The following ALDH1L2 variants were observed in gnomAD, a reference collection of about 807,000 sequenced individuals.
ALDH1L2 encodes mitochondrial 10-formyltetrahydrofolate dehydrogenase.
In ALDH1L2, 91 loss-of-function variants were observed where a neutral mutation model predicts 111.0. The ratio of observed to expected loss-of-function variants is 0.82; its 90% confidence interval spans 0.69 to 0.98. The LOEUF (loss-of-function observed/expected upper bound fraction) is 0.98, where lower values mean the gene tolerates loss of function less well. Among genes scored for constraint, ALDH1L2 ranks in the 50% least tolerant of loss-of-function variants. The pLI, the probability that ALDH1L2 is intolerant of heterozygous loss-of-function variation, is 0.00. For synonymous variants in ALDH1L2, 374 were observed against 392.6 expected (o/e 0.95, Z 0.56); for missense variants, 995 against 1,126.8 (o/e 0.88, Z 1.67).
In ALDH1L2 at chr12:105,073,995, T is replaced by G. The variant is rs769412228; in HGVS notation, c.59A>C (p.Lys20Thr). The change falls in exon 2 of 23, where the codon AAA becomes ACA. Residue 20 changes from lysine (K) to threonine (T), a missense_variant. By Grantham distance (78) the Lys-to-Thr change is moderately conservative. Transcript: ENST00000258494. ...AATTAGTGCCAACTTCAGCTTGTTT[T>G]TGAAATAAACCTGTGAAACAATTCA... ...RRFSTGRVYF[K>T]NKLKLALIGQ... The G allele has an allele frequency of 1.9e-6, 3 of 1,614,126 alleles. No homozygotes were observed. The highest frequency in any genetic ancestry group is 2.2e-5 in the East Asian group (1 of 44,870).
At chr12:105,038,498 C>A (rs1172535685) in intron 17 of ALDH1L2, among the ~76,000 whole-genome samples, 1 of 152,070 alleles carries the variant, frequency 6.6e-6, no homozygotes, top group East Asian at 1.9e-4. Context: ...AAGACCTCAT[C>A]TCTATAAAAA....
intron 1 of ALDH1L2, 168 bp from the exon 2 acceptor site, chr12:105,074,173 C>A: frequency 1.2e-6 from 1 of 827,750 alleles, no homozygotes. Flanking sequence ...GAAACCTACC[C>A]TTGGCCGGGC....
intron 1 of ALDH1L2, among the ~76,000 whole-genome samples, chr12:105,074,491 A>AAAAG (rs1235523715): frequency 1.3e-5 from 2 of 150,396 alleles, no homozygotes; most frequent in African/African-American, 2.5e-5. Context: ...AAAGAAAAGA[A>AAAAG]AAAGAAAGAA....
chr12:105,041,475 T>C (rs1454337848), intron 15 of ALDH1L2, among the ~76,000 whole-genome samples: 1 of 152,256 alleles, frequency 6.6e-6, no homozygotes, highest in African/African-American at 2.4e-5. Flanking sequence ...TTTTGATTAT[T>C]TGGCAAATGT....
chr12:105,052,064 A>C, intron 12 of ALDH1L2, 26 bp downstream of exon 12: 1 of 1,547,936 alleles, frequency 6.5e-7, no homozygotes, highest in South Asian at 1.2e-5. Flanking sequence ...TTTTCTAAAA[A>C]ATAAAAAAAT....
chr12:105,019,978 TG>T lies in ALDH1L2; in HGVS notation c.*4445del, dbSNP rs993991346. On this transcript the variant is annotated 3_prime_UTR_variant, in exon 23 of 23. Transcript: ENST00000258494. ...GTTTGAAAATAACCAAATAGATTTT[TG>T]GGTTGACTCAACAAATTATGGTTGA... 6 of 152,256 alleles carry T rather than the reference TG, an allele frequency of 3.9e-5. No individual in the cohort carries two copies. Among genetic ancestry groups the T allele is most frequent in the African/African-American group, 1.2e-4 (5 of 41,464 alleles). 9.4% of individuals were successfully genotyped at this position (152,256 alleles called of 1,614,324 possible).
intron 1 of ALDH1L2, among the ~76,000 whole-genome samples, chr12:105,078,040 G>GCA (rs140315128): frequency 0.1 from 15,425 of 152,150 alleles, 918 homozygotes; most frequent in Middle Eastern, 0.19. Flanking sequence ...CATCCAACAA[G>GCA]CATGTTTTCA....
rs113659766 is a variant in ALDH1L2, at chr12:105,020,140, A to G, written c.*4284T>C. ...CCTTATTTCTCATGTCTCATGCCTT[A>G]TCCATCATCCCTCATATCCTACTCT... On this transcript the variant is annotated 3_prime_UTR_variant, in exon 23 of 23. Coordinates refer to ENST00000258494, the MANE Select transcript of ALDH1L2 (RefSeq NM_001034173.4). The G allele has an allele frequency of 6.6e-6, 1 of 152,218 alleles. No individual in the cohort carries two copies. The highest frequency in any genetic ancestry group is 2.4e-5 in the African/African-American group (1 of 41,512). The allele number at this position is 152,218 out of a possible 1,614,324, so 9.4% of individuals were successfully genotyped here.
In ALDH1L2 at chr12:105,035,823, G is replaced by A. The variant is rs112229632; in HGVS notation, c.2146-1425C>T. On this transcript the variant is annotated intron_variant, in intron 18 of 22. Transcript: ENST00000258494. ...AACCTCCCTGGACTATATATAGTGT[G>A]TCTATATATATATATATGTGTGTGT... Among the ~76,000 whole-genome samples, 29 of 97,846 alleles carry A rather than the reference G, an allele frequency of 3.0e-4. 1 individual carries two copies. Among genetic ancestry groups the A allele is most frequent in the African/African-American group, 1.3e-3 (26 of 20,002 alleles). 64.2% of individuals were successfully genotyped at this position (97,846 alleles called of 152,430 possible). A position where few individuals can be genotyped will look rare whatever the true frequency, so the allele number is the denominator to read the frequency against.
Position 105,019,815 on chromosome 12 carries a change from A to C in ALDH1L2, c.*4609T>G, listed in dbSNP as rs528960144. ...TATGCAGAATTGTGTTTATTGGCATAGATGCTTATGATATATTGTTAATTG... is the reference window on the plus strand; with the variant it reads ...TATGCAGAATTGTGTTTATTGGCATCGATGCTTATGATATATTGTTAATTG... On this transcript the variant is annotated 3_prime_UTR_variant, in exon 23 of 23. Coordinates refer to ENST00000258494, the MANE Select transcript of ALDH1L2 (RefSeq NM_001034173.4). 3 of 152,356 alleles carry C rather than the reference A, an allele frequency of 2.0e-5. No homozygotes were observed. The South Asian group carries it at 6.2e-4, about 32-fold the overall frequency. 9.4% of individuals were successfully genotyped at this position (152,356 alleles called of 1,614,324 possible). A position where few individuals can be genotyped will look rare whatever the true frequency, so the allele number is the denominator to read the frequency against.
At chr12:105,075,295 G>A (rs1358249711) in intron 1 of ALDH1L2, among the ~76,000 whole-genome samples, 1 of 152,208 alleles carries the variant, frequency 6.6e-6, no homozygotes, top group Non-Finnish European at 1.5e-5. Flanking sequence ...ATTTAAAGAA[G>A]CCATGTTGGC....
rs56118650 is a variant in ALDH1L2 at position 105,052,941 on chromosome 12, G to T, written c.1288-10C>A. The T allele has an allele frequency of 0.46, 734,040 of 1,608,442 alleles. 172,455 individuals are homozygous for T. The highest frequency in any genetic ancestry group is 0.59 in the Middle Eastern group (3,550 of 6,050). On this transcript the variant is annotated splice_polypyrimidine_tract_variant and intron_variant, in intron 10 of 22. Transcript: ENST00000258494. ...TGACCTCCTTTGAAATCTGAGAGAA[G>T]TATATTAATAGATTCAATGGATTTC...
Position 105,068,587 on chromosome 12 carries a change from A to T in ALDH1L2, c.594+132T>A, listed in dbSNP as rs941538273. 2.4e-5 allele frequency: 23 copies of T among 944,764 alleles called. No homozygotes were observed. In the East Asian group the frequency reaches 3.6e-4, roughly 15 times the overall value. The allele number at this position is 944,764 out of a possible 1,614,324, so 58.5% of individuals were successfully genotyped here. A position where few individuals can be genotyped will look rare whatever the true frequency, so the allele number is the denominator to read the frequency against. On this transcript the variant is annotated intron_variant, in intron 4 of 22. Coordinates refer to ENST00000258494, the MANE Select transcript of ALDH1L2 (RefSeq NM_001034173.4). Reference sequence around the variant, plus strand: ...TCCTAAATATACCATCCCATTAGTTAAAAAAAATCTAATTTTGTTTTTAAA... The same window carrying T: ...TCCTAAATATACCATCCCATTAGTTTAAAAAAATCTAATTTTGTTTTTAAA...
intron 18 of ALDH1L2, among the ~76,000 whole-genome samples, chr12:105,036,292 ATTAT>A (rs1565951813): frequency 1.5e-5 from 1 of 67,204 alleles, no homozygotes; most frequent in Non-Finnish European, 2.6e-5. Context: ...ATGTGTATAT[ATTAT>A]ATATATACGT....
chr12:105,084,290 C>G, intron 1 of ALDH1L2, 99 bp downstream of exon 1: 1 of 1,318,280 alleles, frequency 7.6e-7, no homozygotes, highest in Non-Finnish European at 9.9e-7. Flanking sequence ...GTCTAAGCAT[C>G]GCTGCTCATC....
chr12:105,067,978 A>G (rs1228631731), intron 4 of ALDH1L2, among the ~76,000 whole-genome samples: 1 of 152,212 alleles, frequency 6.6e-6, no homozygotes, highest in Non-Finnish European at 1.5e-5. Context: ...AACCAAAGCT[A>G]CAGAGGCTAA....
chr12:105,056,304 A>G (rs761996181), intron 10 of ALDH1L2, among the ~76,000 whole-genome samples: 9 of 152,172 alleles, frequency 5.9e-5, no homozygotes, highest in Non-Finnish European at 8.8e-5. Flanking sequence ...TCTATACCCA[A>G]CAAAAATATC....
At chr12:105,067,750 A>G (rs1469465230) in intron 4 of ALDH1L2, among the ~76,000 whole-genome samples, 2 of 152,170 alleles carry the variant, frequency 1.3e-5, no homozygotes, top group Non-Finnish European at 2.9e-5. Flanking sequence ...AACAGAGCCA[A>G]GTTTACAGCT....
intron 1 of ALDH1L2, among the ~76,000 whole-genome samples, chr12:105,075,306 C>T (rs1285238041): frequency 5.9e-5 from 9 of 152,176 alleles, no homozygotes; most frequent in South Asian, 2.1e-4. Flanking sequence ...CCATGTTGGC[C>T]GGGCGCGGTG....
Sources: allele counts gnomAD v4.1 joint callset (sites outside exome capture counted in the v4.1 genomes callset), GRCh38; gene constraint gnomAD v4.1.1; transcripts MANE v1.5; gene names NCBI Gene and HGNC (gene_info 2026-07-23, HGNC 2026-07-21).